Variants in MMP16 observed in about 807,000 individuals in gnomAD.
MMP16 encodes the protein matrix metalloproteinase-16.
A neutral mutation model predicts 67.8 loss-of-function variants in MMP16; 12 were observed. The observed-to-expected ratio is 0.18, with a 90% CI of 0.11 to 0.29. The LOEUF is 0.29. Among genes scored for constraint, MMP16 ranks in the 10% least tolerant of loss-of-function variants. The pLI, the probability that MMP16 is intolerant of heterozygous loss-of-function variation, is 1.00. For synonymous variants in MMP16, 249 were observed against 255.9 expected, an observed-to-expected ratio of 0.97 and a Z score of 0.26; for missense variants, 475 against 765.7, an observed-to-expected ratio of 0.62 and a Z score of 4.48.
intron 6 of MMP16, among the ~76,000 whole-genome samples, chr8:88,097,592 C>G (rs764589104): frequency 7.2e-6 from 1 of 139,274 alleles, no homozygotes; most frequent in Non-Finnish European, 1.5e-5. Context: ...CACCACTGCA[C>G]TCCAACCTGA....
At chr8:88,144,589 CTAAT>C (rs1808261939) in intron 4 of MMP16, among the ~76,000 whole-genome samples, 1 of 151,366 alleles carries the variant, frequency 6.6e-6, no homozygotes, top group Non-Finnish European at 1.5e-5. Flanking sequence ...TAGAGAGAGA[CTAAT>C]ATAATATGGG....
chr8:88,083,047 T>C (rs2664354), intron 6 of MMP16, among the ~76,000 whole-genome samples: 75,040 of 151,600 alleles, frequency 0.49, 18,852 homozygotes, highest in East Asian at 0.58. Context: ...AAAGGATTTC[T>C]GGTATTATAA....
chr8:88,120,828 T>C (rs560681305), intron 4 of MMP16, among the ~76,000 whole-genome samples: 2 of 152,040 alleles, frequency 1.3e-5, no homozygotes, highest in South Asian at 2.1e-4. Flanking sequence ...ACAGGGATTA[T>C]ATCTTGTTTT....
chr8:88,128,366 A>T (rs1028752877), intron 4 of MMP16, among the ~76,000 whole-genome samples: 1 of 151,820 alleles, frequency 6.6e-6, no homozygotes, highest in East Asian at 1.9e-4. Context: ...TTACACAGCA[A>T]TTGAATTTAA....
At chr8:88,126,375 T>C (rs1224274562) in intron 4 of MMP16, among the ~76,000 whole-genome samples, 1 of 151,866 alleles carries the variant, frequency 6.6e-6, no homozygotes, top group Non-Finnish European at 1.5e-5. Flanking sequence ...CATGAATGCA[T>C]TAGCAAAGTA....
intron 4 of MMP16, among the ~76,000 whole-genome samples, chr8:88,121,155 T>TA (rs1182520786): frequency 1.9e-4 from 28 of 150,422 alleles, no homozygotes; most frequent in African/African-American, 6.4e-4. Context: ...AAACAGGTCA[T>TA]AACAGCCAAA....
chr8:88,176,934 T>G (rs1046219137), intron 3 of MMP16, among the ~76,000 whole-genome samples: 13 of 152,198 alleles, frequency 8.5e-5, no homozygotes, highest in African/African-American at 3.1e-4. Context: ...ACAAAAAAAG[T>G]CTTACTGGGA....
rs1040468009 is a variant in MMP16, at chr8:88,264,097, G to A, written c.132+62978C>T. 1.8e-4 allele frequency among the ~76,000 whole-genome samples: 20 copies of A among 108,706 alleles called. 1 individual carries two copies. The highest frequency in any genetic ancestry group is 3.0e-4 in the Non-Finnish European group (16 of 52,826). The allele number at this position is 108,706 out of a possible 152,430, so 71.3% of individuals were successfully genotyped here. On this transcript the variant is annotated intron_variant, in intron 1 of 9. Coordinates refer to ENST00000286614, the MANE Select transcript of MMP16 (RefSeq NM_005941.5). ...TGTGTGTGTGTGTGTGTGTGTGTGT[G>A]TATACATATATTACTTTAGGTCAGT...
At chr8:88,179,436 C>T (rs1188281036) in intron 3 of MMP16, among the ~76,000 whole-genome samples, 2 of 149,796 alleles carry the variant, frequency 1.3e-5, no homozygotes, top group African/African-American at 4.9e-5. Context: ...TACAGAATTG[C>T]CTTGCAAAAA....
At chr8:88,084,567 A>C (rs942215471) in intron 6 of MMP16, among the ~76,000 whole-genome samples, 1 of 152,046 alleles carries the variant, frequency 6.6e-6, no homozygotes, top group Admixed American at 6.6e-5. Flanking sequence ...TCCCGTATTT[A>C]AAGATGAAAT....
At chr8:88,114,207 T>C (rs1404107580) in intron 6 of MMP16, among the ~76,000 whole-genome samples, 2 of 151,894 alleles carry the variant, frequency 1.3e-5, no homozygotes, top group African/African-American at 4.8e-5. Flanking sequence ...ATGCTTTCTT[T>C]ACATCTATCC....
At chr8:88,233,120 G>T (rs1256086759) in intron 1 of MMP16, among the ~76,000 whole-genome samples, 1 of 152,086 alleles carries the variant, frequency 6.6e-6, no homozygotes, top group Non-Finnish European at 1.5e-5. Context: ...TTTGCCATTA[G>T]AATTAAATCA....
intron 1 of MMP16, among the ~76,000 whole-genome samples, chr8:88,241,091 T>C (rs1810026478): frequency 6.6e-6 from 1 of 151,848 alleles, no homozygotes; most frequent in South Asian, 2.1e-4. Context: ...GTTTTTTTTT[T>C]TTCTTAAATA....
chr8:88,306,136 C>A (rs1472703271), intron 1 of MMP16, among the ~76,000 whole-genome samples: 3 of 151,816 alleles, frequency 2.0e-5, no homozygotes, highest in African/African-American at 7.3e-5. Context: ...ATACAAACAA[C>A]CATGAGAGAA....
At chr8:88,099,727 C>T (rs1809102179) in intron 6 of MMP16, among the ~76,000 whole-genome samples, 1 of 151,690 alleles carries the variant, frequency 6.6e-6, no homozygotes, top group Non-Finnish European at 1.5e-5. Context: ...ACAGGGATAC[C>T]TCATTAGTTA....
At chr8:88,069,713 T>A (rs1383757536) in intron 7 of MMP16, among the ~76,000 whole-genome samples, 4 of 152,014 alleles carry the variant, frequency 2.6e-5, no homozygotes, top group African/African-American at 9.7e-5. Flanking sequence ...AAGTGTGGGG[T>A]TTAGGGAACA....
chr8:88,158,877 T>C (rs1021276179), intron 4 of MMP16, among the ~76,000 whole-genome samples: 7 of 152,238 alleles, frequency 4.6e-5, no homozygotes, highest in Non-Finnish European at 7.3e-5. Context: ...TTCAGCTTTC[T>C]ATATACGGCT....
At chr8:88,231,087 A>C (rs536899777) in intron 1 of MMP16, among the ~76,000 whole-genome samples, 1 of 152,312 alleles carries the variant, frequency 6.6e-6, no homozygotes, top group African/African-American at 2.4e-5. Flanking sequence ...ATAAAGATGA[A>C]CTTCAATAAT....
At chr8:88,061,125 T>TACACAC (rs1554575025) in intron 7 of MMP16, among the ~76,000 whole-genome samples, 1 of 116,640 alleles carries the variant, frequency 8.6e-6, no homozygotes, top group Non-Finnish European at 1.7e-5. Flanking sequence ...ATCTGAATAT[T>TACACAC]ATACACACAC....
Sources: allele counts gnomAD v4.1 joint callset (sites outside exome capture counted in the v4.1 genomes callset), GRCh38; gene constraint gnomAD v4.1.1; transcripts MANE v1.5; gene names NCBI Gene and HGNC (gene_info 2026-07-23, HGNC 2026-07-21).